Variants in RGS12 observed in about 807,000 individuals in gnomAD.
The protein encoded by RGS12 is regulator of G protein signaling 12.
In RGS12, 66 loss-of-function variants were observed where a neutral mutation model predicts 120.1. The observed-to-expected ratio is 0.55, with a 90% CI of 0.45 to 0.67. The LOEUF (loss-of-function observed/expected upper bound fraction) is 0.67, where lower values mean the gene tolerates loss of function less well. Among genes scored for constraint, RGS12 ranks in the 30% least tolerant of loss-of-function variants. The probability of loss-of-function intolerance (pLI) is 0.00; values close to 1 mark genes in which losing one functional copy is unlikely to be tolerated. For synonymous variants in RGS12, 827 were observed against 804.7 expected (o/e 1.03, Z -0.47); for missense variants, 1,859 against 1,957.7 (o/e 0.95, Z 0.95).
At chr4:3,287,217 G>C in the RGS12 span, among the ~76,000 whole-genome samples, 1 of 152,214 alleles carries the variant, frequency 6.6e-6, no homozygotes, top group South Asian at 2.1e-4. Context: ...AGGTGGACTC[G>C]AAGAGCAACA....
intron 2 of RGS12, among the ~76,000 whole-genome samples, chr4:3,333,096 T>A (rs1224287666): frequency 6.6e-6 from 1 of 150,918 alleles, no homozygotes; most frequent in Admixed American, 6.6e-5. Flanking sequence ...TCTCCCAGGC[T>A]GGAGTGCAGT....
At position 3,323,896 on chromosome 4, in the gene RGS12, A is replaced by T. The variant is rs978563248; in HGVS notation, c.1881+5845A>T. On this transcript the variant is annotated intron_variant, in intron 2 of 17. Coordinates refer to ENST00000336727, the MANE Select transcript of RGS12 (RefSeq NM_001394154.1). The stretch of plus-strand genomic sequence containing the variant: ...GTGAGAGAGAGAGAGAGAGAGAGAG[A>T]GAGAGAGAGAGAATGCCCCCTTTTT... 6.6e-4 allele frequency: 100 copies of T among 151,908 alleles called. 1 individual carries two copies. The highest frequency in any genetic ancestry group is 2.0e-3 in the African/African-American group (83 of 41,374). 9.4% of individuals were successfully genotyped at this position (151,908 alleles called of 1,614,324 possible).
At position 3,316,988 on chromosome 4, in the gene RGS12, C is replaced by G; in HGVS notation, c.818C>G (p.Thr273Ser). ...RAEQKIHSLV[T>S]MKIMHDCVQL... The stretch of plus-strand genomic sequence containing the variant: ...GAGCAGAAAATCCACTCGCTGGTGA[C>G]CATGAAGATCATGCACGACTGTGTG... Residue 273 changes from threonine to serine, a missense_variant, in exon 2 of 18, where the codon ACC becomes AGC. By Grantham distance (58) the Thr-to-Ser change is moderately conservative. Transcript: ENST00000336727. 1 of 1,613,798 alleles carries G rather than the reference C, an allele frequency of 6.2e-7. No homozygotes were observed. Among genetic ancestry groups the G allele is most frequent in the Non-Finnish European group, 8.5e-7 (1 of 1,179,984 alleles).
At chr4:3,384,355 T>G (rs555162215) in intron 3 of RGS12, among the ~76,000 whole-genome samples, 1 of 152,276 alleles carries the variant, frequency 6.6e-6, no homozygotes, top group South Asian at 2.1e-4. Flanking sequence ...GGTCTCTTCA[T>G]GTTGACCAGG....
chr4:3,406,991 A>G (rs914851059), intron 4 of RGS12, among the ~76,000 whole-genome samples: 7 of 152,230 alleles, frequency 4.6e-5, no homozygotes, highest in Admixed American at 2.0e-4. Context: ...CTGCTTATAA[A>G]AAGATAGGTT....
Position 3,417,068 on chromosome 4 carries a change from C to T in RGS12, c.2583C>T (p.His861=), listed in dbSNP as rs755865360. Residue 861 remains histidine (H), a synonymous_variant, in exon 8 of 18, where the codon CAC becomes CAT. Coordinates refer to ENST00000336727, the MANE Select transcript of RGS12 (RefSeq NM_001394154.1). ...CCAAGCACAGCCTCGGTTCAGACCA[C>T]TCCAGTGTGTCCACGCCAAAAAAGG... ...PASKHSLGSD[H]SSVSTPKKLS... The T allele has an allele frequency of 1.9e-6, 3 of 1,608,476 alleles. No individual in the cohort carries two copies. The highest frequency in any genetic ancestry group is 2.2e-5 in the South Asian group (2 of 90,914).
chr4:3,340,762 A>AGGCC (rs1553801990), intron 2 of RGS12, among the ~76,000 whole-genome samples: 94 of 151,024 alleles, frequency 6.2e-4, no homozygotes, highest in Admixed American at 2.9e-3. Context: ...AGGTGCAGGC[A>AGGCC]GGTGCAGGCC....
upstream of RGS12, among the ~76,000 whole-genome samples, chr4:3,288,266 G>GTGAC (rs1171025656): frequency 1.3e-5 from 2 of 152,150 alleles, no homozygotes. The surrounding 1 kb of genome is among the most constrained non-coding windows in gnomAD (Gnocchi z 5.2). Context: ...CACAAAGGTT[G>GTGAC]TGACACAGAG....
intron 3 of RGS12, among the ~76,000 whole-genome samples, chr4:3,347,460 A>G (rs1713925182): frequency 6.6e-6 from 1 of 152,214 alleles, no homozygotes; most frequent in Non-Finnish European, 1.5e-5. Context: ...AGAAAGAAAG[A>G]AAACATCCTT....
upstream of RGS12, among the ~76,000 whole-genome samples, chr4:3,291,478 C>G (rs540137139): frequency 1.4e-4 from 22 of 152,200 alleles, no homozygotes; most frequent in East Asian, 9.7e-4. Flanking sequence ...TCCCAACTAG[C>G]TTCGACTATA....
chr4:3,406,796 C>A (rs1006246072), intron 4 of RGS12, among the ~76,000 whole-genome samples: 5 of 152,180 alleles, frequency 3.3e-5, no homozygotes, highest in Non-Finnish European at 7.4e-5. Flanking sequence ...CGGAAAGGGA[C>A]CACCCCATGT....
In RGS12 at chr4:3,422,993, G is replaced by A. The variant is rs17804577; in HGVS notation, c.3107+15G>A. 0.028 allele frequency: 45,584 copies of A among 1,609,018 alleles called. 1,452 individuals are homozygous for A. The highest frequency in any genetic ancestry group is 0.17 in the African/African-American group (12,494 of 74,850). ...ACCTTGTTTCGGTAAGAGGAAGATCGCTGTCATTCACCTGAGGCTCCCAGA... is the reference window on the plus strand; with the variant it reads ...ACCTTGTTTCGGTAAGAGGAAGATCACTGTCATTCACCTGAGGCTCCCAGA... On this transcript the variant is annotated intron_variant, in intron 12 of 17. Coordinates refer to ENST00000336727, the MANE Select transcript of RGS12 (RefSeq NM_001394154.1).
intron 9 of RGS12, chr4:3,419,325 C>T (rs1302675192): frequency 1.4e-5 from 2 of 141,426 alleles, no homozygotes; most frequent in Non-Finnish European, 3.1e-5. Flanking sequence ...AGCGAGACTC[C>T]GTCTCAAAAA....
chr4:3,438,163 G>A (rs1724989637), intron 17 of RGS12, among the ~76,000 whole-genome samples: 1 of 152,170 alleles, frequency 6.6e-6, no homozygotes. Flanking sequence ...CCTGTCTGCT[G>A]TGGGCCCAGG....
chr4:3,289,282 C>T (rs1264775355), upstream of RGS12, among the ~76,000 whole-genome samples: 1 of 152,112 alleles, frequency 6.6e-6, no homozygotes, highest in African/African-American at 2.4e-5. Flanking sequence ...TGGCTCATTG[C>T]AACCTCACTT....
chr4:3,355,794 CAAAAAAAAAAAA>C (rs372490658), intron 3 of RGS12, among the ~76,000 whole-genome samples: 5 of 58,086 alleles, frequency 8.6e-5, no homozygotes, highest in South Asian at 7.2e-4. Context: ...GACCTTGTCT[CAAAAAAAAAAAA>C]AAAAAAAAAA....
Position 3,439,619 on chromosome 4 carries a change from T to A in RGS12, c.4279T>A (p.Leu1427Met). ...GGPPTSDLPG[L>M]GPVPGEPAKP... ...GCCTCCTACATCAGACCTCCCTGGC[T>A]TGGGCCCCGTCCCGGGTGAGCCTGC... The change falls in exon 18 of 18, where the codon TTG becomes ATG. Residue 1427 changes from leucine (L) to methionine (M), a missense_variant. By Grantham distance (15) the Leu-to-Met change is conservative. Around this residue, in one of 3 missense-constraint regions of RGS12, gnomAD observed 517 missense variants for 488.5 expected, o/e 1.06. Transcript: ENST00000336727. The A allele has an allele frequency of 6.2e-7, 1 of 1,603,010 alleles. No individual in the cohort carries two copies. The highest frequency in any genetic ancestry group is 8.5e-7 in the Non-Finnish European group (1 of 1,174,534).
chr4:3,303,784 T>G (rs1409021980), intron 1 of RGS12, among the ~76,000 whole-genome samples: 4 of 152,246 alleles, frequency 2.6e-5, no homozygotes, highest in African/African-American at 9.6e-5. Flanking sequence ...TTCTTCAACT[T>G]TATATGACTT....
rs780060621 is a variant in RGS12, at chr4:3,316,768, T to C, written c.598T>C (p.Ser200Pro). 2.5e-6 allele frequency: 4 copies of C among 1,614,206 alleles called. No homozygotes were observed. Among genetic ancestry groups the C allele is most frequent in the South Asian group, 1.1e-5 (1 of 91,084 alleles). Residue 200 changes from serine to proline, a missense_variant, in exon 2 of 18, where the codon TCA (serine) becomes CCA (proline). Around this residue, in one of 3 missense-constraint regions of RGS12, gnomAD observed 967 missense variants for 994.2 expected, o/e 0.97. Coordinates refer to ENST00000336727, the MANE Select transcript of RGS12 (RefSeq NM_001394154.1). The part of the protein sequence containing the change: ...NPNMLSKEEI[S>P]KVIHDDSVFS... ...CAACATGCTTTCTAAGGAGGAAATA[T>C]CAAAAGTTATTCATGATGATTCGGT...
Sources: gnomAD v4.1 joint callset for allele counts (sites outside exome capture counted in the v4.1 genomes callset) on GRCh38, gnomAD v4.1.1 for gene constraint, gnomAD v4.1.1 regional missense constraint, Gnocchi (gnomAD v3.1) non-coding constraint, MANE v1.5 for transcripts, NCBI Gene and HGNC (gene_info 2026-07-23, HGNC 2026-07-21) for gene names.